Variants in FHOD3 observed in about 807,000 individuals in gnomAD.
FHOD3 encodes FH1/FH2 domain-containing protein 3.
Under a neutral mutation model 173.0 loss-of-function variants are expected in FHOD3, and 90 were observed. The observed-to-expected ratio is 0.52, with a 90% CI of 0.44 to 0.62. The LOEUF (loss-of-function observed/expected upper bound fraction) is 0.62. Ranked by LOEUF, FHOD3 falls within the 20% of genes least tolerant of loss-of-function variation. FHOD3 has a pLI of 0.00. For synonymous variants in FHOD3, 828 were observed against 823.0 expected (o/e 1.01, Z -0.10); for missense variants, 1,945 against 2,034.7 (o/e 0.96, Z 0.85).
chr18:36,505,050 A>G (rs1371724148), intron 4 of FHOD3, among the ~76,000 whole-genome samples: 2 of 152,226 alleles, frequency 1.3e-5, no homozygotes, highest in Non-Finnish European at 1.5e-5. Context: ...AAGCATGCCC[A>G]CAAAGGGCAA....
chr18:36,350,037 CA>C (rs113045328), intron 1 of FHOD3, among the ~76,000 whole-genome samples: 8,653 of 152,254 alleles, frequency 0.057, 825 homozygotes, highest in African/African-American at 0.2. Context: ...CTTGACCTCC[CA>C]AAGTGCTGGG....
intron 3 of FHOD3, among the ~76,000 whole-genome samples, chr18:36,422,935 A>G (rs1427302826): frequency 6.6e-6 from 1 of 152,138 alleles, no homozygotes; most frequent in East Asian, 1.9e-4. Flanking sequence ...TCACCATTTT[A>G]ATGTGAGAAA....
chr18:36,332,884 T>A (rs1196100899), intron 1 of FHOD3, among the ~76,000 whole-genome samples: 1 of 152,232 alleles, frequency 6.6e-6, no homozygotes, highest in Non-Finnish European at 1.5e-5. Context: ...CCTTACCCCC[T>A]GCCATGTGGT....
chr18:36,618,264 A>G (rs745337892), intron 9 of FHOD3, among the ~76,000 whole-genome samples: 1 of 116,190 alleles, frequency 8.6e-6, no homozygotes, highest in Non-Finnish European at 1.8e-5. Flanking sequence ...TTTAACCATC[A>G]TTGCATTCTT....
chr18:36,741,772 TAA>T (rs61214594), intron 21 of FHOD3, among the ~76,000 whole-genome samples: 1 of 151,052 alleles, frequency 6.6e-6, no homozygotes, highest in Non-Finnish European at 1.5e-5. Flanking sequence ...CCTCCATCTC[TAA>T]AAAAAATAAA....
chr18:36,351,226 A>G lies in FHOD3; in HGVS notation c.166-4313A>G, dbSNP rs369148110. 3.3e-5 allele frequency among the ~76,000 whole-genome samples: 5 copies of G among 152,208 alleles called. No homozygotes were observed. In the East Asian group the frequency reaches 9.6e-4, roughly 29 times the overall value. ...ACTCCACATGAAGTTCCTGAGAGAT[A>G]AAGAGATGCAAATTATTTTCTTTTT... On this transcript the variant is annotated intron_variant, in intron 1 of 28. Coordinates refer to ENST00000590592, the MANE Select transcript of FHOD3 (RefSeq NM_001281740.3).
intron 16 of FHOD3, among the ~76,000 whole-genome samples, chr18:36,691,931 GATGACTAAAT>G (rs1179079144): frequency 2.0e-5 from 3 of 152,222 alleles, no homozygotes; most frequent in African/African-American, 7.2e-5. Context: ...CATGTGAACA[GATGACTAAAT>G]ATGCCAGGCA....
intron 5 of FHOD3, among the ~76,000 whole-genome samples, chr18:36,559,091 C>T (rs1051054688): frequency 1.1e-4 from 16 of 152,312 alleles, no homozygotes; most frequent in Middle Eastern, 3.4e-3. Flanking sequence ...TCTCTCCTGA[C>T]GTTCTCCTTA....
Position 36,740,854 on chromosome 18 carries a change from G to T in FHOD3, c.3759+16G>T. The T allele has an allele frequency of 1.9e-6, 3 of 1,601,248 alleles. No homozygotes were observed. Among genetic ancestry groups the T allele is most frequent in the South Asian group, 1.1e-5 (1 of 89,646 alleles). ...TACAGAAAAGGTAAGCTCTCTGTAA[G>T]AGAGGCCGCTGATCCCACATCCACA... On this transcript the variant is annotated intron_variant, in intron 21 of 28. Coordinates refer to ENST00000590592, the MANE Select transcript of FHOD3 (RefSeq NM_001281740.3).
At chr18:36,629,470 C>T (rs1035290178) in intron 10 of FHOD3, among the ~76,000 whole-genome samples, 1 of 152,172 alleles carries the variant, frequency 6.6e-6, no homozygotes, top group African/African-American at 2.4e-5. Flanking sequence ...AGCCCACAGG[C>T]TGTAGTTTGC....
At chr18:36,692,165 G>C (rs1426390056) in intron 16 of FHOD3, among the ~76,000 whole-genome samples, 2 of 152,130 alleles carry the variant, frequency 1.3e-5, no homozygotes, top group African/African-American at 4.8e-5. Context: ...TTGAGGATGG[G>C]ATGCAAAAAA....
rs534167284 is a variant in FHOD3, at chr18:36,455,112, G to C, written c.338-46820G>C. ...ACAGCTGGCCAGAGGTGTCAGCAAC[G>C]TTTCTGAAATTGGAGTGCATGTGTC... On this transcript the variant is annotated intron_variant, in intron 3 of 28. Coordinates refer to ENST00000590592, the MANE Select transcript of FHOD3 (RefSeq NM_001281740.3). Among the ~76,000 whole-genome samples the C allele has an allele frequency of 3.9e-5, 6 of 152,300 alleles. No homozygotes were observed. The East Asian group carries it at 1.2e-3, about 29-fold the overall frequency.
At chr18:36,574,921 A>G (rs1193989960) in intron 5 of FHOD3, among the ~76,000 whole-genome samples, 2 of 151,960 alleles carry the variant, frequency 1.3e-5, no homozygotes, top group Non-Finnish European at 2.9e-5. Flanking sequence ...TTACATATTT[A>G]GGAGCATATT....
chr18:36,366,894 A>G (rs1432990527), intron 2 of FHOD3, among the ~76,000 whole-genome samples: 1 of 152,196 alleles, frequency 6.6e-6, no homozygotes, highest in Non-Finnish European at 1.5e-5. Context: ...GACTGAAACT[A>G]TAGTTTATTT....
intron 3 of FHOD3, among the ~76,000 whole-genome samples, chr18:36,434,039 C>T (rs1319311372): frequency 2.6e-5 from 4 of 152,150 alleles, no homozygotes; most frequent in South Asian, 2.1e-4. Flanking sequence ...AAGCCACTGG[C>T]GATTGCTGAT....
intron 10 of FHOD3, among the ~76,000 whole-genome samples, chr18:36,647,332 T>C (rs2035759718): frequency 1.3e-5 from 2 of 152,216 alleles, no homozygotes; most frequent in South Asian, 4.1e-4. Flanking sequence ...CATATCCAAA[T>C]GGACATTAAA....
At chr18:36,621,577 C>A (rs552207092) in intron 9 of FHOD3, among the ~76,000 whole-genome samples, 31 of 152,244 alleles carry the variant, frequency 2.0e-4, no homozygotes, top group African/African-American at 7.2e-4. Flanking sequence ...CACATGTCTT[C>A]CCATGATAGC....
chr18:36,488,785 G>T (rs555241047), intron 3 of FHOD3, among the ~76,000 whole-genome samples: 1 of 152,188 alleles, frequency 6.6e-6, no homozygotes, highest in Non-Finnish European at 1.5e-5. Context: ...GGATTTAGGA[G>T]TCTGGATGGT....
At chr18:36,657,531 A>G (rs1451592571) in intron 13 of FHOD3, among the ~76,000 whole-genome samples, 1 of 152,232 alleles carries the variant, frequency 6.6e-6, no homozygotes, top group Non-Finnish European at 1.5e-5. Flanking sequence ...TGCACCTCTA[A>G]GGAGCAGGCC....
Sources: gnomAD v4.1 joint callset for allele counts (sites outside exome capture counted in the v4.1 genomes callset) on GRCh38, gnomAD v4.1.1 for gene constraint, MANE v1.5 for transcripts, NCBI Gene and HGNC (gene_info 2026-07-23, HGNC 2026-07-21) for gene names.